The following ABHD12 variants were observed in gnomAD, a reference collection of about 807,000 sequenced individuals.
ABHD12 encodes abhydrolase domain containing 12, lysophospholipase.
ABHD12 carries 43 observed loss-of-function variants against 58.3 expected under a neutral mutation model. The ratio of observed to expected loss-of-function variants is 0.74; its 90% CI spans 0.58 to 0.95. ABHD12 has a LOEUF of 0.95. Ranked by LOEUF, ABHD12 falls within the 40% of genes least tolerant of loss-of-function variation. The pLI is 0.00. For missense variants in ABHD12, 539 were observed against 537.2 expected, an observed-to-expected ratio of 1.00 and a Z score of -0.03; for synonymous variants, 219 against 211.2, an observed-to-expected ratio of 1.04 and a Z score of -0.32.
intron 4 of ABHD12, among the ~76,000 whole-genome samples, chr20:25,317,851 C>T (rs2088991059): frequency 6.6e-6 from 1 of 152,194 alleles, no homozygotes; most frequent in Admixed American, 6.5e-5. Flanking sequence ...GGACCGACCC[C>T]ACAGCAGGGA....
At chr20:25,320,451 G>A (rs1177415856) in intron 3 of ABHD12, 133 bp from the exon 4 acceptor site, 1 of 1,178,804 alleles carries the variant, frequency 8.5e-7, no homozygotes, top group Non-Finnish European at 1.2e-6. Context: ...AACTACAGGG[G>A]AACAGATGGG....
intron 1 of ABHD12, among the ~76,000 whole-genome samples, chr20:25,389,447 T>C (rs778724386): frequency 1.7e-4 from 26 of 152,182 alleles, no homozygotes; most frequent in Non-Finnish European, 3.4e-4. Flanking sequence ...ACTAAGGGCA[T>C]TCCAGATGGT....
At chr20:25,368,570 A>G in intron 1 of ABHD12, 2 of 1,403,626 alleles carry the variant, frequency 1.4e-6, no homozygotes, top group South Asian at 2.3e-5. Flanking sequence ...ATGGGTGTGA[A>G]GTCACCACCC....
At chr20:25,310,979 G>A (rs1015596904) in intron 6 of ABHD12, among the ~76,000 whole-genome samples, 1 of 152,212 alleles carries the variant, frequency 6.6e-6, no homozygotes, top group African/African-American at 2.4e-5. Flanking sequence ...AAGGTCTCTA[G>A]CATGCAGCAG....
At position 25,390,580 on chromosome 20, in the gene ABHD12, G is replaced by A. The variant is rs1238605093; in HGVS notation, c.124C>T (p.Leu42=). ...ADCRLKQNLR[L]TGPAAAEPRC... is the part of the protein sequence containing the mutation. ...GGCTCAGCCGCCGCCGGGCCCGTCA[G>A]GCGTAGGTTCTGCTTCAGGCGGCAG... Residue 42 remains leucine (L), a synonymous_variant, in exon 1 of 13, where the codon CTG becomes TTG. Coordinates refer to ENST00000339157, the MANE Select transcript of ABHD12 (RefSeq NM_001042472.3). 6.1e-6 allele frequency: 9 copies of A among 1,479,610 alleles called. No individual in the cohort carries two copies. Among genetic ancestry groups the A allele is most frequent in the Admixed American group, 2.3e-5 (1 of 44,256 alleles). 91.7% of individuals were successfully genotyped at this position (1,479,610 alleles called of 1,614,324 possible). A position where few individuals can be genotyped will look rare whatever the true frequency, so the allele number is the denominator to read the frequency against.
chr20:25,359,423 C>CAAAAAAAAAAAAAAAAAAAA (rs565367954), intron 1 of ABHD12, among the ~76,000 whole-genome samples: 1 of 63,126 alleles, frequency 1.6e-5, no homozygotes, highest in Non-Finnish European at 3.9e-5. Flanking sequence ...GACTCCGTCT[C>CAAAAAAAAAAAAAAAAAAAA]AAAAAAAAAA....
intron 6 of ABHD12, among the ~76,000 whole-genome samples, chr20:25,313,063 T>C (rs9712420): frequency 2.2e-4 from 29 of 132,136 alleles, no homozygotes; most frequent in African/African-American, 7.3e-4. Context: ...TCTGCCCGGC[T>C]GCCACCCCGT....
At chr20:25,386,621 T>A (rs1441048616) in intron 1 of ABHD12, among the ~76,000 whole-genome samples, 1 of 151,954 alleles carries the variant, frequency 6.6e-6, no homozygotes, top group Non-Finnish European at 1.5e-5. Flanking sequence ...GGCTCACGCC[T>A]TATAATCCCA....
intron 11 of ABHD12, chr20:25,303,305 C>A: frequency 1.4e-6 from 2 of 1,382,670 alleles, no homozygotes; most frequent in Non-Finnish European, 1.9e-6. Flanking sequence ...TTTTCATATT[C>A]TTGGAGACAG....
At chr20:25,388,781 T>C (rs67676850) in intron 1 of ABHD12, among the ~76,000 whole-genome samples, 32,933 of 107,800 alleles carry the variant, frequency 0.31, 4,352 homozygotes, top group East Asian at 0.58. Flanking sequence ...AACAATTTGA[T>C]TTTTTCTTTT....
chr20:25,306,789 G>A, intron 10 of ABHD12, 44 bp downstream of exon 10: 1 of 1,418,682 alleles, frequency 7.0e-7, no homozygotes, highest in Non-Finnish European at 9.9e-7. Context: ...GGTTCTCAGA[G>A]TTTTTCTAAA....
chr20:25,375,896 G>A (rs979002239), intron 1 of ABHD12, among the ~76,000 whole-genome samples: 4 of 152,162 alleles, frequency 2.6e-5, no homozygotes, highest in Admixed American at 6.5e-5. Flanking sequence ...GCCAAGGCAG[G>A]TGGATCACGA....
At chr20:25,353,719 T>C (rs1208955012) in intron 1 of ABHD12, among the ~76,000 whole-genome samples, 8 of 152,214 alleles carry the variant, frequency 5.3e-5, no homozygotes, top group Admixed American at 1.3e-4. Context: ...ACCCGAGGCA[T>C]AGAGAAATTA....
At chr20:25,313,830 C>T (rs2088910408) in intron 6 of ABHD12, among the ~76,000 whole-genome samples, 1 of 152,078 alleles carries the variant, frequency 6.6e-6, no homozygotes, top group Admixed American at 6.5e-5. Context: ...TCATTGTTAA[C>T]ACCAAGTATT....
At position 25,342,843 on chromosome 20, in the gene ABHD12, C is replaced by T. The variant is rs1362424279; in HGVS notation, c.192-3492G>A. 2.6e-5 allele frequency among the ~76,000 whole-genome samples: 4 copies of T among 152,164 alleles called. No homozygotes were observed. In the East Asian group the frequency reaches 7.7e-4, roughly 29 times the overall value. On this transcript the variant is annotated intron_variant, in intron 1 of 12. Transcript: ENST00000339157. ...GCTCAAGTGATCCTACCATCTTGGCCTTCCAAAGGGTTGGGGTTATAGGTG... is the reference window on the plus strand; with the variant it reads ...GCTCAAGTGATCCTACCATCTTGGCTTTCCAAAGGGTTGGGGTTATAGGTG...
At chr20:25,295,245 G>A (rs1451775457), downstream of ABHD12, among the ~76,000 whole-genome samples, 1 of 152,256 alleles carries the variant, frequency 6.6e-6, no homozygotes, top group East Asian at 1.9e-4. Flanking sequence ...AGTGCCCCCT[G>A]CCCTGAGGCG....
intron 1 of ABHD12, among the ~76,000 whole-genome samples, chr20:25,353,407 A>C (rs2089627943): frequency 6.6e-6 from 1 of 152,230 alleles, no homozygotes; most frequent in Non-Finnish European, 1.5e-5. Context: ...AGAATATGTA[A>C]ATATTTAAGC....
At chr20:25,383,970 A>G (rs113404741) in intron 1 of ABHD12, among the ~76,000 whole-genome samples, 1,890 of 128,180 alleles carry the variant, frequency 0.015, 42 homozygotes, top group African/African-American at 0.045. Flanking sequence ...AAAAAAAAAA[A>G]AAAAGAAAAA....
At chr20:25,321,926 C>T (rs1444391978) in intron 3 of ABHD12, among the ~76,000 whole-genome samples, 1 of 152,194 alleles carries the variant, frequency 6.6e-6, no homozygotes, top group Non-Finnish European at 1.5e-5. Flanking sequence ...TACCAAGGAC[C>T]ACTGTTAGAA....
Sources: allele counts gnomAD v4.1 joint callset (sites outside exome capture counted in the v4.1 genomes callset), GRCh38; gene constraint gnomAD v4.1.1; transcripts MANE v1.5; gene names NCBI Gene and HGNC (gene_info 2026-07-23, HGNC 2026-07-21).